The following CLCN6 variants were observed in gnomAD, a reference collection of about 807,000 sequenced individuals.
The protein encoded by CLCN6 is H(+)/Cl(-) exchange transporter 6.
In CLCN6, 70 loss-of-function variants were observed where a neutral mutation model predicts 109.8. That is an observed-to-expected ratio of 0.64 (90% CI 0.53 to 0.78). The LOEUF is 0.78. Ranked by LOEUF, CLCN6 falls within the 30% of genes least tolerant of loss-of-function variation. The probability of loss-of-function intolerance (pLI) is 0.00; values close to 1 mark genes in which losing one functional copy is unlikely to be tolerated. For synonymous variants in CLCN6, 444 were observed against 447.8 expected (o/e 0.99, Z 0.11); for missense variants, 984 against 1,142.3 (o/e 0.86, Z 2.00).
intron 13 of CLCN6, among the ~76,000 whole-genome samples, chr1:11,831,609 G>A (rs1303624317): frequency 6.6e-6 from 1 of 152,210 alleles, no homozygotes; most frequent in South Asian, 2.1e-4. Flanking sequence ...CTCATTACCA[G>A]ACAGATACCT....
In CLCN6 at chr1:11,828,200, T is replaced by C; in HGVS notation, c.935T>C (p.Leu312Pro). ...GGTTCCTTCCAGCTCCCTGGATTGC[T>C]GAACTTTGGCGAGTTTAAGGTATGT... Reference protein sequence around the residue: ...SWGSFQLPGLLNFGEFKCSDS... With the variant: ...SWGSFQLPGLPNFGEFKCSDS... The change falls in exon 11 of 23, where the codon CTG becomes CCG. Residue 312 changes from leucine (L) to proline (P), a missense_variant. By Grantham distance (98) the Leu-to-Pro change is moderately conservative. Coordinates refer to ENST00000346436, the MANE Select transcript of CLCN6 (RefSeq NM_001286.5). The C allele has an allele frequency of 6.2e-7, 1 of 1,614,030 alleles. No individual in the cohort carries two copies. The highest frequency in any genetic ancestry group is 8.5e-7 in the Non-Finnish European group (1 of 1,179,874).
At chr1:11,837,650 C>G (rs923502111) in intron 20 of CLCN6, 151 bp downstream of exon 20, 1 of 753,782 alleles carries the variant, frequency 1.3e-6, no homozygotes. Flanking sequence ...TCGCCACAGC[C>G]GGGTGGTGAG....
At chr1:11,838,047 C>G (rs998040172) in intron 20 of CLCN6, among the ~76,000 whole-genome samples, 5 of 152,210 alleles carry the variant, frequency 3.3e-5, no homozygotes, top group African/African-American at 1.2e-4. Context: ...AGCCACTTTA[C>G]TTAGTGCTTT....
In CLCN6 at chr1:11,833,873, G is replaced by A; in HGVS notation, c.1373-4G>A. 1.2e-6 allele frequency: 2 copies of A among 1,608,528 alleles called. No individual in the cohort carries two copies. The highest frequency in any genetic ancestry group is 1.3e-5 in the African/African-American group (1 of 74,550). On this transcript the variant is annotated splice_polypyrimidine_tract_variant and splice_region_variant and intron_variant, in intron 14 of 22. Transcript: ENST00000346436. ...TGGGACTCAGGTTGGCTCTTCCCTT[G>A]CAGGTACTTTCAGCCCCGTCACTCT...
Position 11,833,895 on chromosome 1 carries a change from C to T in CLCN6, c.1391C>T (p.Thr464Ile), listed in dbSNP as rs765227030. 4 of 1,612,484 alleles carry T rather than the reference C, an allele frequency of 2.5e-6. No individual in the cohort carries two copies. The African/African-American group carries it at 5.4e-5, about 22-fold the overall frequency. Residue 464 changes from threonine to isoleucine, a missense_variant, in exon 15 of 23, where the codon ACT (threonine) becomes ATT (isoleucine). Thr to Ile is a moderately conservative substitution (Grantham distance 89, BLOSUM62 -1). Transcript: ENST00000346436. ...CTTGCAGGTACTTTCAGCCCCGTCA[C>T]TCTGGCCTTGTTCTTCGTTCTCTAT... ...FHQDGTFSPV[T>I]LALFFVLYFL...
At position 11,837,421 on chromosome 1, in the gene CLCN6, G is replaced by C. The variant is rs370486389; in HGVS notation, c.2217G>C (p.Leu739=). The C allele has an allele frequency of 5.6e-6, 9 of 1,614,082 alleles. No individual in the cohort carries two copies. In the African/African-American group the frequency reaches 1.2e-4, roughly 22 times the overall value. Residue 739 remains leucine, a synonymous_variant, in exon 20 of 23, where the codon CTG becomes CTC. Transcript: ENST00000346436. ...DWTMEERFRP[L]TFHGLILRSQ... ...CCATGGAGGAGCGGTTCCGCCCTCTGACCTTCCACGGCCTGATCCTTCGGT... is the reference window on the plus strand; with the variant it reads ...CCATGGAGGAGCGGTTCCGCCCTCTCACCTTCCACGGCCTGATCCTTCGGT...
Position 11,833,884 on chromosome 1 carries a change from C to T in CLCN6, c.1380C>T (p.Phe460=), listed in dbSNP as rs766632894. Residue 460 remains phenylalanine, a synonymous_variant, in exon 15 of 23, where the codon TTC becomes TTT. Transcript: ENST00000346436. ...ILQLFHQDGT[F]SPVTLALFFV... is the part of the protein sequence containing the mutation. The stretch of plus-strand genomic sequence containing the variant: ...TTGGCTCTTCCCTTGCAGGTACTTT[C>T]AGCCCCGTCACTCTGGCCTTGTTCT... The T allele has an allele frequency of 6.2e-7, 1 of 1,610,284 alleles. No homozygotes were observed. Among genetic ancestry groups the T allele is most frequent in the Non-Finnish European group, 8.5e-7 (1 of 1,178,424 alleles).
At chr1:11,822,318 G>A (rs1467947951) in intron 5 of CLCN6, among the ~76,000 whole-genome samples, 11 of 152,050 alleles carry the variant, frequency 7.2e-5, no homozygotes, top group African/African-American at 2.7e-4. Flanking sequence ...GAATGCAGTG[G>A]TGCAATGACA....
chr1:11,817,278 G>A (rs900087957), intron 4 of CLCN6, among the ~76,000 whole-genome samples: 2 of 152,150 alleles, frequency 1.3e-5, no homozygotes, highest in Admixed American at 6.5e-5. Context: ...GAAGTCGTGG[G>A]TACGGAACTG....
chr1:11,825,545 A>G (rs1644800510), intron 8 of CLCN6, among the ~76,000 whole-genome samples: 1 of 152,236 alleles, frequency 6.6e-6, no homozygotes, highest in Non-Finnish European at 1.5e-5. Flanking sequence ...ATGGGATTTC[A>G]GAAGGTCCTA....
intron 11 of CLCN6, 25 bp downstream of exon 11, chr1:11,828,244 A>T: frequency 3.8e-6 from 6 of 1,592,254 alleles, no homozygotes; most frequent in Non-Finnish European, 5.2e-6. Flanking sequence ...TTCCCCAAGG[A>T]TTTTTAATTT....
At chr1:11,827,991 C>A in intron 10 of CLCN6, 115 bp from the exon 11 acceptor site, 1 of 763,612 alleles carries the variant, frequency 1.3e-6, no homozygotes, top group South Asian at 1.6e-5. Context: ...TCTCTGTACC[C>A]GGATGTAGAT....
Position 11,828,218 on chromosome 1 carries a change from A to C in CLCN6, c.953A>C (p.Lys318Thr), listed in dbSNP as rs1264470659. 1 of 1,611,948 alleles carries C rather than the reference A, an allele frequency of 6.2e-7. No individual in the cohort carries two copies. Among genetic ancestry groups the C allele is most frequent in the Non-Finnish European group, 8.5e-7 (1 of 1,178,196 alleles). ...GGATTGCTGAACTTTGGCGAGTTTA[A>C]GGTATGTTTTGTCCTTTCCCCAAGG... ...LPGLLNFGEF[K>T]CSDSDKKCHL... The change falls in exon 11 of 23, where the codon AAG (lysine) becomes ACG (threonine). Residue 318 changes from lysine (K) to threonine (T), a missense_variant and splice_region_variant. Physicochemically the swap from Lys to Thr is moderately conservative, Grantham distance 78. Transcript: ENST00000346436.
rs975570351 is a variant in CLCN6 at position 11,824,493 on chromosome 1, C to T, written c.588C>T (p.Phe196=). Residue 196 remains phenylalanine, a synonymous_variant, in exon 8 of 23, where the codon TTC becomes TTT. Transcript: ENST00000346436. Reference sequence around the variant, plus strand: ...CTTTTTCACCCTGCCCAGGGCTCTTCGTGGAGAAGGAAGGCCCCATGATCC... The same window carrying T: ...CTTTTTCACCCTGCCCAGGGCTCTTTGTGGAGAAGGAAGGCCCCATGATCC... The part of the protein sequence containing the change: ...GVLFSVAGGL[F]VEKEGPMIHS... 33 of 1,613,386 alleles carry T rather than the reference C, an allele frequency of 2.0e-5. No individual in the cohort carries two copies. The highest frequency in any genetic ancestry group is 1.2e-4 in the African/African-American group (9 of 74,872).
rs1264457824 is a variant in CLCN6, at chr1:11,812,179, A to G, written c.148-3667A>G. Among the ~76,000 whole-genome samples the G allele has an allele frequency of 2.0e-5, 3 of 152,344 alleles. No individual in the cohort carries two copies. In the East Asian group the frequency reaches 5.8e-4, roughly 29 times the overall value. On this transcript the variant is annotated intron_variant, in intron 2 of 22. Transcript: ENST00000346436. ...AGCTGGCAGTGAATTGAAGGTTCAC[A>G]GGACTCCCTCCTTGAGTTTGGTTAA...
At chr1:11,836,932 TA>T in intron 18 of CLCN6, 66 bp from the exon 19 acceptor site, 2 of 1,574,732 alleles carry the variant, frequency 1.3e-6, no homozygotes, top group Non-Finnish European at 1.7e-6. Flanking sequence ...CCCAAATCCT[TA>T]AGCTCCATCA....
intron 18 of CLCN6, 107 bp downstream of exon 18, chr1:11,836,260 A>G (rs1273549798): frequency 1.9e-5 from 20 of 1,038,104 alleles, no homozygotes; most frequent in African/African-American, 8.1e-5. Context: ...ACCGGCTCTC[A>G]GGGGAAGTTG....
At chr1:11,815,959 TG>T (rs1474683270) in intron 3 of CLCN6, 48 bp downstream of exon 3, 4 of 1,453,772 alleles carry the variant, frequency 2.8e-6, no homozygotes, top group South Asian at 1.1e-5. Context: ...AGTCTTAACA[TG>T]GCATTTTTTT....
chr1:11,830,737 T>TATAATATATATATA (rs1359328796), intron 13 of CLCN6, among the ~76,000 whole-genome samples: 36 of 91,116 alleles, frequency 4.0e-4, no homozygotes, highest in African/African-American at 1.4e-3. Context: ...TATGTATATA[T>TATAATATATATATA]TATATATATA....
Sources: gnomAD v4.1 joint callset for allele counts (sites outside exome capture counted in the v4.1 genomes callset) on GRCh38, gnomAD v4.1.1 for gene constraint, MANE v1.5 for transcripts, NCBI Gene and HGNC (gene_info 2026-07-23, HGNC 2026-07-21) for gene names.